Variants in TAFA1 observed in about 807,000 individuals in gnomAD.
The protein encoded by TAFA1 is chemokine-like protein TAFA-1.
TAFA1 carries 4 observed loss-of-function variants against 18.5 expected under a neutral mutation model. That is an observed-to-expected ratio of 0.22 (90% CI 0.11 to 0.49). The LOEUF is 0.49. Among genes scored for constraint, TAFA1 ranks in the 20% least tolerant of loss-of-function variants. The pLI, the probability that TAFA1 is intolerant of heterozygous loss-of-function variation, is 0.98. For missense variants in TAFA1, 147 were observed against 169.0 expected, an observed-to-expected ratio of 0.87 and a Z score of 0.72; for synonymous variants, 56 against 55.2, an observed-to-expected ratio of 1.01 and a Z score of -0.06.
intron 2 of TAFA1, among the ~76,000 whole-genome samples, chr3:68,139,565 G>T (rs2065645784): frequency 6.6e-6 from 1 of 152,104 alleles, no homozygotes; most frequent in Non-Finnish European, 1.5e-5. Flanking sequence ...ATATGGAATT[G>T]CTAATTATAA....
At chr3:68,490,792 T>C (rs2072436435) in intron 3 of TAFA1, among the ~76,000 whole-genome samples, 1 of 149,174 alleles carries the variant, frequency 6.7e-6, no homozygotes, top group African/African-American at 2.6e-5. Flanking sequence ...CAGATATCAA[T>C]AGATGAACAA....
At chr3:68,388,160 G>C (rs965616312) in intron 2 of TAFA1, among the ~76,000 whole-genome samples, 3 of 152,010 alleles carry the variant, frequency 2.0e-5, no homozygotes, top group Non-Finnish European at 2.9e-5. Flanking sequence ...AAATCGTGGC[G>C]GCTGGAGATA....
At chr3:68,152,101 A>G (rs2065812962) in intron 2 of TAFA1, among the ~76,000 whole-genome samples, 1 of 152,184 alleles carries the variant, frequency 6.6e-6, no homozygotes. Context: ...AAATTTGCCC[A>G]AAGAATAATT....
At chr3:68,349,472 A>C (rs1181632506) in intron 2 of TAFA1, among the ~76,000 whole-genome samples, 1 of 151,982 alleles carries the variant, frequency 6.6e-6, no homozygotes, top group Admixed American at 6.6e-5. Flanking sequence ...CAAGAGGAAG[A>C]GTTAACAGTC....
chr3:68,031,564 G>C (rs963766364), intron 2 of TAFA1, among the ~76,000 whole-genome samples: 1 of 152,192 alleles, frequency 6.6e-6, no homozygotes, highest in Non-Finnish European at 1.5e-5. Flanking sequence ...CGTTTGTGGA[G>C]GAGATGGCCG....
intron 2 of TAFA1, among the ~76,000 whole-genome samples, chr3:68,344,333 C>T (rs2069132022): frequency 6.6e-6 from 1 of 152,116 alleles, no homozygotes; most frequent in South Asian, 2.1e-4. Context: ...ACTACTGGGA[C>T]ACTAAGGTAC....
chr3:68,411,556 G>A (rs187879871), intron 2 of TAFA1, among the ~76,000 whole-genome samples: 3 of 152,246 alleles, frequency 2.0e-5, no homozygotes, highest in East Asian at 3.9e-4. Context: ...TCAAATATTT[G>A]TCATTTAATA....
At chr3:68,168,964 T>A (rs2066018366) in intron 2 of TAFA1, among the ~76,000 whole-genome samples, 1 of 152,234 alleles carries the variant, frequency 6.6e-6, no homozygotes, top group South Asian at 2.1e-4. Context: ...TTGGAATGCA[T>A]GCCATTTCCT....
At chr3:68,386,499 G>A (rs985496776) in intron 2 of TAFA1, among the ~76,000 whole-genome samples, 13 of 152,074 alleles carry the variant, frequency 8.5e-5, no homozygotes, top group African/African-American at 3.1e-4. Context: ...CATTTTACAA[G>A]TGTTAAGAAC....
intron 2 of TAFA1, among the ~76,000 whole-genome samples, chr3:68,228,750 C>T (rs2066834434): frequency 6.6e-6 from 1 of 152,192 alleles, no homozygotes; most frequent in South Asian, 2.1e-4. Flanking sequence ...CTTAGTAAAA[C>T]CAGCTTTGGG....
chr3:68,415,489 T>G (rs188216798), intron 2 of TAFA1, among the ~76,000 whole-genome samples: 1 of 151,870 alleles, frequency 6.6e-6, no homozygotes, highest in Admixed American at 6.6e-5. Flanking sequence ...TGTGTTGGAG[T>G]GAGGAGGTTG....
chr3:68,220,924 G>A (rs2107091519), intron 2 of TAFA1, among the ~76,000 whole-genome samples: 1 of 152,224 alleles, frequency 6.6e-6, no homozygotes, highest in African/African-American at 2.4e-5. Context: ...TGCCTCTGAG[G>A]ATTGGCTGTG....
chr3:68,040,170 T>C (rs975435140), intron 2 of TAFA1, among the ~76,000 whole-genome samples: 1 of 152,314 alleles, frequency 6.6e-6, no homozygotes, highest in Non-Finnish European at 1.5e-5. Flanking sequence ...TTCAGATTAT[T>C]CTTTTAACAT....
At chr3:68,127,707 GATGCTGATGGCA>G (rs1206467319) in intron 2 of TAFA1, among the ~76,000 whole-genome samples, 21 of 141,956 alleles carry the variant, frequency 1.5e-4, no homozygotes, top group African/African-American at 5.2e-4. Flanking sequence ...TGGTGGTGGT[GATGCTGATGGCA>G]GTGGTGGTGG....
At chr3:68,109,936 G>T (rs961711684) in intron 2 of TAFA1, among the ~76,000 whole-genome samples, 1 of 152,086 alleles carries the variant, frequency 6.6e-6, no homozygotes, top group Non-Finnish European at 1.5e-5. Flanking sequence ...TGATTCATGT[G>T]ATTATGTGGC....
intron 2 of TAFA1, among the ~76,000 whole-genome samples, chr3:68,358,679 G>T (rs572694024): frequency 6.6e-6 from 1 of 152,014 alleles, no homozygotes; most frequent in South Asian, 2.1e-4. Context: ...ACAGCCCTCA[G>T]ATGGAGTTTT....
intron 2 of TAFA1, among the ~76,000 whole-genome samples, chr3:68,299,433 C>T (rs139345566): frequency 3.9e-5 from 6 of 152,200 alleles, no homozygotes; most frequent in Admixed American, 6.5e-5. Flanking sequence ...CTCAGTTTTA[C>T]GTATTCACAA....
chr3:68,235,790 G>A (rs2066921352), intron 2 of TAFA1, among the ~76,000 whole-genome samples: 1 of 152,104 alleles, frequency 6.6e-6, no homozygotes, highest in South Asian at 2.1e-4. Context: ...CTGGCCGAGT[G>A]CAAACCTGGT....
At chr3:68,031,692 A>G (rs1396352243) in intron 2 of TAFA1, among the ~76,000 whole-genome samples, 1 of 152,154 alleles carries the variant, frequency 6.6e-6, no homozygotes, top group Non-Finnish European at 1.5e-5. Flanking sequence ...TAATACATGA[A>G]ACAAGCAAGT....
Sources: allele counts gnomAD v4.1 joint callset (sites outside exome capture counted in the v4.1 genomes callset), GRCh38; gene constraint gnomAD v4.1.1; transcripts MANE v1.5; gene names NCBI Gene and HGNC (gene_info 2026-07-23, HGNC 2026-07-21).